The following GLRA3 variants were observed in gnomAD, a reference collection of about 807,000 sequenced individuals.
GLRA3 encodes the protein glycine receptor subunit alpha-3.
In GLRA3, 44 loss-of-function variants were observed where a neutral mutation model predicts 60.4. The ratio of observed to expected loss-of-function variants is 0.73; its 90% CI spans 0.57 to 0.94. The LOEUF (loss-of-function observed/expected upper bound fraction) is 0.94. GLRA3 is among the 40% of genes least tolerant of loss of function. The pLI is 0.00. For synonymous variants in GLRA3, 223 were observed against 192.9 expected, an observed-to-expected ratio of 1.16 and a Z score of -1.29; for missense variants, 508 against 564.6, an observed-to-expected ratio of 0.90 and a Z score of 1.02.
intron 3 of GLRA3, 50 bp from the exon 4 acceptor site, chr4:174,728,748 G>T: frequency 8.2e-7 from 1 of 1,226,382 alleles, no homozygotes; most frequent in Non-Finnish European, 1.2e-6. Flanking sequence ...GCTTTAAAAA[G>T]TTTAAAATCC....
chr4:174,770,472 G>A (rs1222508141), intron 2 of GLRA3, among the ~76,000 whole-genome samples: 1 of 152,036 alleles, frequency 6.6e-6, no homozygotes, highest in Non-Finnish European at 1.5e-5. Context: ...AGGAGTCAGG[G>A]CTTGGGAGCA....
At chr4:174,732,928 G>A (rs1259245362) in intron 3 of GLRA3, among the ~76,000 whole-genome samples, 3 of 152,104 alleles carry the variant, frequency 2.0e-5, no homozygotes, top group Non-Finnish European at 4.4e-5. Context: ...GAATGAGATA[G>A]TGAATTATAC....
intron 5 of GLRA3, among the ~76,000 whole-genome samples, chr4:174,687,280 G>C (rs937673761): frequency 4.6e-5 from 7 of 152,098 alleles, no homozygotes; most frequent in African/African-American, 1.7e-4. Flanking sequence ...TTTTATTTCG[G>C]AATGTTCTTG....
chr4:174,643,527 T>A lies in GLRA3; in HGVS notation c.*259A>T. On this transcript the variant is annotated 3_prime_UTR_variant, in exon 10 of 10. Transcript: ENST00000274093. ...ACACATTGGCAGTAAAGCTTCCACT[T>A]ACATGGTTTACTGTGAAAAAACAAA... 8.9e-7 allele frequency: 1 copy of A among 1,129,064 alleles called. No homozygotes were observed. The highest frequency in any genetic ancestry group is 1.1e-6 in the Non-Finnish European group (1 of 917,966). The allele number at this position is 1,129,064 out of a possible 1,614,324, so 69.9% of individuals were successfully genotyped here.
intron 3 of GLRA3, among the ~76,000 whole-genome samples, chr4:174,742,726 TG>T: frequency 6.6e-6 from 1 of 152,208 alleles, no homozygotes; most frequent in Non-Finnish European, 1.5e-5. Context: ...GCCTGTTCCC[TG>T]GTGCTTCATC....
At chr4:174,745,041 T>G (rs1283301794) in intron 3 of GLRA3, among the ~76,000 whole-genome samples, 2 of 152,032 alleles carry the variant, frequency 1.3e-5, no homozygotes, top group African/African-American at 4.8e-5. Flanking sequence ...AACAATAGAC[T>G]GAATCTAACA....
chr4:174,759,670 T>C (rs999603390), intron 3 of GLRA3, among the ~76,000 whole-genome samples: 6 of 152,114 alleles, frequency 3.9e-5, no homozygotes, highest in African/African-American at 1.4e-4. Context: ...AAATATCAAG[T>C]CTAATATAAA....
chr4:174,677,303 G>T lies in GLRA3; in HGVS notation c.713-11C>A. 1.3e-6 allele frequency: 2 copies of T among 1,517,608 alleles called. No homozygotes were observed. Among genetic ancestry groups the T allele is most frequent in the Non-Finnish European group, 1.8e-6 (2 of 1,093,828 alleles). The allele number at this position is 1,517,608 out of a possible 1,614,324, so 94.0% of individuals were successfully genotyped here. A position where few individuals can be genotyped will look rare whatever the true frequency, so the allele number is the denominator to read the frequency against. ...TACACGTAAACTTTCCTAATTGGTGGTAAGGTAAATACAGCAATTAGTACA... is the reference window on the plus strand; with the variant it reads ...TACACGTAAACTTTCCTAATTGGTGTTAAGGTAAATACAGCAATTAGTACA... On this transcript the variant is annotated splice_polypyrimidine_tract_variant and intron_variant, in intron 6 of 9. Transcript: ENST00000274093.
At chr4:174,697,282 G>T (rs116558315) in intron 5 of GLRA3, among the ~76,000 whole-genome samples, 2,444 of 152,248 alleles carry the variant, frequency 0.016, 62 homozygotes, top group African/African-American at 0.052. Flanking sequence ...GTTAGGCAGG[G>T]TTAGGGTGGA....
intron 1 of GLRA3, among the ~76,000 whole-genome samples, chr4:174,802,083 C>A (rs1228648331): frequency 6.6e-6 from 1 of 151,772 alleles, no homozygotes; most frequent in Non-Finnish European, 1.5e-5. Flanking sequence ...AGTCAAGCCT[C>A]AGAATTTGAT....
At position 174,720,713 on chromosome 4, in the gene GLRA3, G is replaced by A. The variant is rs1579503616; in HGVS notation, c.492-5143C>T. ...AGAACATCTTTCAAAGAGAAGGCTT[G>A]CTTACAGCTTGCTATAAAAGTAGTG... is the stretch of plus-strand genomic sequence containing the variant. On this transcript the variant is annotated intron_variant, in intron 4 of 9. Transcript: ENST00000274093. Among the ~76,000 whole-genome samples, 4 of 152,172 alleles carry A rather than the reference G, an allele frequency of 2.6e-5. No individual in the cohort carries two copies. In the South Asian group the frequency reaches 6.2e-4, roughly 24 times the overall value.
At chr4:174,823,396 G>A (rs982623047) in intron 1 of GLRA3, among the ~76,000 whole-genome samples, 1 of 152,230 alleles carries the variant, frequency 6.6e-6, no homozygotes. Context: ...GTGGTGGCAT[G>A]TTCCTGTAGT....
chr4:174,787,398 T>C lies in GLRA3; in HGVS notation c.199+1418A>G, dbSNP rs528135766. 6.6e-5 allele frequency among the ~76,000 whole-genome samples: 10 copies of C among 152,254 alleles called. No homozygotes were observed. In the South Asian group the frequency reaches 1.4e-3, roughly 22 times the overall value. ...CAACTGCATATTTTTGAAGATCAAC[T>C]ACTAATTAGTTCTCAGCGGATTCAC... On this transcript the variant is annotated intron_variant, in intron 2 of 9. Coordinates refer to ENST00000274093, the MANE Select transcript of GLRA3 (RefSeq NM_006529.4).
intron 1 of GLRA3, among the ~76,000 whole-genome samples, chr4:174,824,458 T>G (rs1740878074): frequency 6.6e-6 from 1 of 152,218 alleles, no homozygotes; most frequent in African/African-American, 2.4e-5. Context: ...TCAGTTATAA[T>G]TAAATTACTT....
intron 7 of GLRA3, among the ~76,000 whole-genome samples, chr4:174,665,653 C>T (rs1313652411): frequency 6.6e-6 from 1 of 152,120 alleles, no homozygotes; most frequent in Non-Finnish European, 1.5e-5. Context: ...TACCAAATAA[C>T]TCCATTGTAT....
chr4:174,657,745 A>G (rs767063726), intron 8 of GLRA3, among the ~76,000 whole-genome samples: 1 of 152,178 alleles, frequency 6.6e-6, no homozygotes, highest in African/African-American at 2.4e-5. Flanking sequence ...AGGTGAGGGA[A>G]GAAGATAAAG....
chr4:174,714,788 C>T (rs1268649522), intron 5 of GLRA3, among the ~76,000 whole-genome samples: 4 of 152,018 alleles, frequency 2.6e-5, no homozygotes, highest in Non-Finnish European at 5.9e-5. Flanking sequence ...TAATTTAGGA[C>T]TAATTATATA....
intron 9 of GLRA3, among the ~76,000 whole-genome samples, chr4:174,645,463 G>A (rs1228845722): frequency 1.3e-5 from 2 of 149,030 alleles, no homozygotes; most frequent in Non-Finnish European, 3.0e-5. Flanking sequence ...TTCTGTGAAA[G>A]TAGCTCCTCA....
chr4:174,823,677 T>C (rs1397740214), intron 1 of GLRA3, among the ~76,000 whole-genome samples: 1 of 152,232 alleles, frequency 6.6e-6, no homozygotes, highest in Admixed American at 6.5e-5. Flanking sequence ...GTAGATGATC[T>C]ACCTTCTCCA....
Sources: gnomAD v4.1 joint callset for allele counts (sites outside exome capture counted in the v4.1 genomes callset) on GRCh38, gnomAD v4.1.1 for gene constraint, MANE v1.5 for transcripts, NCBI Gene and HGNC (gene_info 2026-07-23, HGNC 2026-07-21) for gene names.